SERAC1: variants seen among roughly 807,000 people sequenced by gnomAD.
SERAC1 encodes the protein protein SERAC1.
A neutral mutation model predicts 85.7 loss-of-function variants in SERAC1; 36 were observed. The observed-to-expected ratio is 0.42, with a 90% confidence interval of 0.32 to 0.55. SERAC1 has a LOEUF of 0.55. SERAC1 is among the 20% of genes least tolerant of loss of function. The pLI, the probability that SERAC1 is intolerant of heterozygous loss-of-function variation, is 0.11. For synonymous variants in SERAC1, 242 were observed against 265.3 expected, an observed-to-expected ratio of 0.91 and a Z score of 0.85; for missense variants, 629 against 796.2, an observed-to-expected ratio of 0.79 and a Z score of 2.53.
Position 158,130,421 on chromosome 6 carries a change from T to G in SERAC1, c.804A>C (p.Ser268=). ...CTAAACAGAACATTTCCACTGTTGC[T>G]GAAGGAACTTCTCCAAAACTTTCAG... ...PYAESFGEVP[S]ATVEMFCLEA... is the part of the protein sequence containing the mutation. Residue 268 remains serine (S), a synonymous_variant, in exon 9 of 17, where the codon TCA becomes TCC. Transcript: ENST00000647468. 6.2e-7 allele frequency: 1 copy of G among 1,603,868 alleles called. No individual in the cohort carries two copies. The highest frequency in any genetic ancestry group is 8.5e-7 in the Non-Finnish European group (1 of 1,176,492).
At chr6:158,143,692 G>A (rs827668) in intron 7 of SERAC1, among the ~76,000 whole-genome samples, 86,367 of 151,430 alleles carry the variant, frequency 0.57, 25,452 homozygotes, top group African/African-American at 0.73. Context: ...TATCTAGTAT[G>A]TTCATTTTTC....
chr6:158,147,093 T>C (rs1489832593), intron 5 of SERAC1, among the ~76,000 whole-genome samples, 180 bp from the exon 6 acceptor site: 2 of 152,192 alleles, frequency 1.3e-5, no homozygotes, highest in Non-Finnish European at 2.9e-5. Flanking sequence ...CTTTTACAGT[T>C]ATTATGAATA....
At chr6:158,133,226 G>C (rs1213539247) in intron 8 of SERAC1, among the ~76,000 whole-genome samples, 1 of 151,554 alleles carries the variant, frequency 6.6e-6, no homozygotes, top group Non-Finnish European at 1.5e-5. Context: ...CTAGCCCAGG[G>C]AGGTCAAGGC....
At chr6:158,144,572 C>T (rs949530523) in intron 6 of SERAC1, 152 bp from the exon 7 acceptor site, 6 of 629,424 alleles carry the variant, frequency 9.5e-6, no homozygotes, top group Non-Finnish European at 1.6e-5. Flanking sequence ...ACATTTACAA[C>T]ACCTATAAGC....
chr6:158,145,037 A>C (rs1785021272), intron 6 of SERAC1, among the ~76,000 whole-genome samples: 1 of 152,166 alleles, frequency 6.6e-6, no homozygotes, highest in African/African-American at 2.4e-5. Context: ...TGAGGTCAGG[A>C]GTTCAAGACC....
At chr6:158,113,045 T>C (rs1296814662) in intron 16 of SERAC1, 1 of 209,990 alleles carries the variant, frequency 4.8e-6, no homozygotes, top group Non-Finnish European at 9.3e-6. Context: ...CTATTCCCCA[T>C]GGATCTTCTA....
rs1266436965 is a variant in SERAC1 at position 158,110,765 on chromosome 6, A to T, written c.*601T>A. 6.6e-6 allele frequency: 1 copy of T among 152,260 alleles called. No individual in the cohort carries two copies. The highest frequency in any genetic ancestry group is 1.5e-5 in the Non-Finnish European group (1 of 68,050). 9.4% of individuals were successfully genotyped at this position (152,260 alleles called of 1,614,324 possible). On this transcript the variant is annotated 3_prime_UTR_variant, in exon 17 of 17. Transcript: ENST00000647468. ...AAGCTAGAATTTTTCTAAGAAAAAGATTTGTTCTCAGGAATACGAAAATAG... is the reference window on the plus strand; with the variant it reads ...AAGCTAGAATTTTTCTAAGAAAAAGTTTTGTTCTCAGGAATACGAAAATAG...
intron 8 of SERAC1, among the ~76,000 whole-genome samples, chr6:158,132,866 C>T (rs1784709920): frequency 6.6e-6 from 1 of 152,056 alleles, no homozygotes; most frequent in Non-Finnish European, 1.5e-5. Context: ...TTATACTGAA[C>T]TAAGATATGA....
rs753181670 is a variant in SERAC1, at chr6:158,143,305, GTCTCTCTCTCTCTC to G, written c.610-135_610-122del. 1.8e-3 allele frequency: 1,075 copies of G among 606,030 alleles called. 50 individuals carry two copies. Among genetic ancestry groups the G allele is most frequent in the South Asian group, 4.5e-3 (132 of 29,448 alleles). The allele number at this position is 606,030 out of a possible 1,614,324, so 37.5% of individuals were successfully genotyped here. A position where few individuals can be genotyped will look rare whatever the true frequency, so the allele number is the denominator to read the frequency against. ...TCAAAGCCATATATTATGTGTGCAT[GTCTCTCTCTCTCTC>G]TCTCTCTCTCTCTCTCTCTCTCTCT... On this transcript the variant is annotated intron_variant, in intron 7 of 16. Transcript: ENST00000647468.
intron 2 of SERAC1, among the ~76,000 whole-genome samples, chr6:158,157,568 G>C (rs995524336): frequency 1.3e-5 from 2 of 152,116 alleles, no homozygotes; most frequent in African/African-American, 4.8e-5. Context: ...TAAATATTTT[G>C]TTTATTGTCA....
intron 7 of SERAC1, 110 bp downstream of exon 7, chr6:158,144,189 G>T (rs1031905214): frequency 5.0e-5 from 40 of 798,870 alleles, no homozygotes; most frequent in Non-Finnish European, 6.7e-5. Flanking sequence ...TTATCTGCTT[G>T]TGAGAAGTAG....
intron 1 of SERAC1, among the ~76,000 whole-genome samples, chr6:158,160,493 C>A (rs575314283): frequency 6.6e-6 from 1 of 152,070 alleles, no homozygotes; most frequent in African/African-American, 2.4e-5. Context: ...TTCCTTTATC[C>A]CTATTAACAT....
chr6:158,156,375 C>T (rs1285529205), intron 2 of SERAC1, among the ~76,000 whole-genome samples: 1 of 152,040 alleles, frequency 6.6e-6, no homozygotes, highest in African/African-American at 2.4e-5. Flanking sequence ...AACAGTGTAA[C>T]ACAGTTGTAG....
At chr6:158,161,170 G>A (rs1458341969) in intron 1 of SERAC1, 2 of 152,196 alleles carry the variant, frequency 1.3e-5, no homozygotes, top group Admixed American at 1.3e-4. Context: ...GAGCCCAGGA[G>A]CTCTAGGCCA....
At chr6:158,148,347 A>C (rs1422136121) in intron 5 of SERAC1, among the ~76,000 whole-genome samples, 1 of 152,238 alleles carries the variant, frequency 6.6e-6, no homozygotes, top group Non-Finnish European at 1.5e-5. Flanking sequence ...GGTATATTTT[A>C]TCTCCATATT....
Position 158,118,971 on chromosome 6 carries a change from TCAGGGCCCCAGCAAC to T in SERAC1, c.1308+43_1308+57del, listed in dbSNP as rs564971755. ...AAAGAGAAAAACAAGCAAGCCACAATCAGGGCCCCAGCAACCAGGGCCCCAGCAACCAGGGCCAGA... is the reference window on the plus strand; with the variant it reads ...AAAGAGAAAAACAAGCAAGCCACAATCAGGGCCCCAGCAACCAGGGCCAGA... On this transcript the variant is annotated intron_variant, in intron 12 of 16. Transcript: ENST00000647468. The T allele has an allele frequency of 8.8e-4, 1,368 of 1,560,570 alleles. 6 individuals carry two copies. The African/African-American group carries it at 0.014, about 16-fold the overall frequency.
chr6:158,155,284 G>A lies in SERAC1; in HGVS notation c.128+31C>T. ...GAGATTTCCAATAGAGTATAATGAA[G>A]CCAATTAATATTCCACAGTTGACGA... On this transcript the variant is annotated intron_variant, in intron 3 of 16. Transcript: ENST00000647468. 2.1e-6 allele frequency: 3 copies of A among 1,459,636 alleles called. No homozygotes were observed. In the African/African-American group the frequency reaches 4.2e-5, roughly 20 times the overall value. 90.4% of individuals were successfully genotyped at this position (1,459,636 alleles called of 1,614,324 possible).
intron 1 of SERAC1, among the ~76,000 whole-genome samples, chr6:158,159,869 A>C (rs1583612041): frequency 6.6e-6 from 1 of 151,924 alleles, no homozygotes; most frequent in Admixed American, 6.6e-5. Flanking sequence ...CAAGTGATCC[A>C]CCCGCCTCGG....
chr6:158,159,789 T>C (rs1231127960), intron 1 of SERAC1, among the ~76,000 whole-genome samples: 1 of 152,078 alleles, frequency 6.6e-6, no homozygotes, highest in East Asian at 1.9e-4. Context: ...CACACTCAAC[T>C]AATTTTTTGT....
Sources: gnomAD v4.1 joint callset for allele counts (sites outside exome capture counted in the v4.1 genomes callset) on GRCh38, gnomAD v4.1.1 for gene constraint, MANE v1.5 for transcripts, NCBI Gene and HGNC (gene_info 2026-07-23, HGNC 2026-07-21) for gene names.